DISP1: variants seen among roughly 807,000 people sequenced by gnomAD.
DISP1 encodes protein dispatched homolog 1.
Under a neutral mutation model 37.3 loss-of-function variants are expected in DISP1, and 30 were observed. The observed-to-expected ratio is 0.80, with a 90% CI of 0.60 to 1.09. DISP1 has a LOEUF of 1.09. DISP1 is among the 50% of genes least tolerant of loss of function. The probability of loss-of-function intolerance (pLI) is 0.00; values close to 1 mark genes in which losing one functional copy is unlikely to be tolerated. For missense variants in DISP1, 1,598 were observed against 1,879.5 expected, an observed-to-expected ratio of 0.85 and a Z score of 2.77; for synonymous variants, 634 against 690.2, an observed-to-expected ratio of 0.92 and a Z score of 1.28.
chr1:222,969,575 T>G (rs1676783090), intron 3 of DISP1, among the ~76,000 whole-genome samples: 1 of 151,956 alleles, frequency 6.6e-6, no homozygotes, highest in Admixed American at 6.6e-5. Flanking sequence ...TGGTTACAAT[T>G]GTGTGATATA....
chr1:222,997,388 C>T (rs1679151063), intron 8 of DISP1, among the ~76,000 whole-genome samples: 1 of 152,048 alleles, frequency 6.6e-6, no homozygotes, highest in African/African-American at 2.4e-5. Context: ...CCAGCTTTTC[C>T]TCCTGCTAAG....
chr1:222,904,577 T>A (rs551781193), intron 1 of DISP1, among the ~76,000 whole-genome samples: 106 of 151,506 alleles, frequency 7.0e-4, no homozygotes, highest in African/African-American at 2.2e-3. Flanking sequence ...TTATTTTATT[T>A]TTTTTTTTGA....
Position 222,998,393 on chromosome 1 carries a change from A to G in DISP1, c.987+3411A>G, listed in dbSNP as rs1679219869. The stretch of plus-strand genomic sequence containing the variant: ...TGGTAATTAGTATAAGATCTCAGTG[A>G]GACCAGATGTTTCAATTGTCACCTG... On this transcript the variant is annotated intron_variant, in intron 8 of 8. Transcript: ENST00000675850. Among the ~76,000 whole-genome samples, 4 of 151,864 alleles carry G rather than the reference A, an allele frequency of 2.6e-5. No homozygotes were observed. The Admixed American group carries it at 2.6e-4, about 10-fold the overall frequency.
At chr1:222,863,498 T>C (rs1404342925) in intron 1 of DISP1, among the ~76,000 whole-genome samples, 3 of 151,346 alleles carry the variant, frequency 2.0e-5, no homozygotes. Context: ...GATTCTACCA[T>C]TGTACTCCAG....
intron 8 of DISP1, among the ~76,000 whole-genome samples, chr1:222,998,573 C>T (rs1454775333): frequency 1.3e-5 from 2 of 152,152 alleles, no homozygotes; most frequent in Admixed American, 1.3e-4. Context: ...TCCTTACACA[C>T]TTTCAAAAGG....
intron 1 of DISP1, among the ~76,000 whole-genome samples, chr1:222,838,579 G>A (rs1398352340): frequency 1.3e-5 from 2 of 151,978 alleles, no homozygotes; most frequent in Non-Finnish European, 2.9e-5. Flanking sequence ...AGACTAGCCT[G>A]GGCAACATAG....
rs542879157 is a variant in DISP1 at position 222,936,875 on chromosome 1, A to AT, written c.-17-5931dup. On this transcript the variant is annotated intron_variant, in intron 2 of 8. Transcript: ENST00000675850. ...ATGATATATAATTTATATATCATAT[A>AT]TATGATATATATAATATATTATTTA... 1.1e-4 allele frequency among the ~76,000 whole-genome samples: 8 copies of AT among 71,664 alleles called. No individual in the cohort carries two copies. In the South Asian group the frequency reaches 2.7e-3, roughly 24 times the overall value. The allele number at this position is 71,664 out of a possible 152,430, so 47.0% of individuals were successfully genotyped here.
chr1:222,836,435 C>G (rs1667053839), intron 1 of DISP1, among the ~76,000 whole-genome samples: 1 of 152,086 alleles, frequency 6.6e-6, no homozygotes, highest in South Asian at 2.1e-4. Context: ...CTGGGAGTGA[C>G]TATAATTATG....
At chr1:222,922,245 T>C (rs1339383892) in intron 1 of DISP1, among the ~76,000 whole-genome samples, 1 of 152,102 alleles carries the variant, frequency 6.6e-6, no homozygotes, top group Non-Finnish European at 1.5e-5. Flanking sequence ...TGAGTGTTTT[T>C]TTGGACTGAA....
At chr1:222,987,164 T>C (rs1006141330) in intron 4 of DISP1, among the ~76,000 whole-genome samples, 14 of 152,308 alleles carry the variant, frequency 9.2e-5, no homozygotes, top group African/African-American at 3.1e-4. Context: ...TTTATCTTCA[T>C]ATTACAACCA....
chr1:222,988,440 A>G (rs1423512563), intron 4 of DISP1, among the ~76,000 whole-genome samples: 3 of 152,182 alleles, frequency 2.0e-5, no homozygotes, highest in Non-Finnish European at 2.9e-5. Flanking sequence ...TAACTTGTCA[A>G]TGCTGCAGTT....
At chr1:222,940,489 C>G (rs1674302060) in intron 2 of DISP1, among the ~76,000 whole-genome samples, 1 of 152,178 alleles carries the variant, frequency 6.6e-6, no homozygotes, top group Admixed American at 6.5e-5. Context: ...GGGCAGGACA[C>G]AGATCCAAAC....
At chr1:222,820,416 T>C (rs1225182893) in intron 1 of DISP1, among the ~76,000 whole-genome samples, 1 of 152,114 alleles carries the variant, frequency 6.6e-6, no homozygotes, top group South Asian at 2.1e-4. Context: ...ACCTTAAGGA[T>C]AGGGAACACA....
intron 1 of DISP1, among the ~76,000 whole-genome samples, chr1:222,857,518 A>G (rs529458036): frequency 6.6e-6 from 1 of 152,330 alleles, no homozygotes; most frequent in Admixed American, 6.5e-5. Context: ...ACATGATCCT[A>G]TATCTAGAAA....
At chr1:222,817,427 G>A (rs1367013638) in intron 1 of DISP1, among the ~76,000 whole-genome samples, 1 of 152,144 alleles carries the variant, frequency 6.6e-6, no homozygotes, top group Admixed American at 6.5e-5. Context: ...AGTTGAGCTC[G>A]TTGCTTCTAT....
chr1:222,848,079 G>A (rs1445232717), intron 1 of DISP1, among the ~76,000 whole-genome samples: 1 of 151,574 alleles, frequency 6.6e-6, no homozygotes, highest in Non-Finnish European at 1.5e-5. Context: ...TTATTTTTCT[G>A]AATGGATAAC....
intron 2 of DISP1, among the ~76,000 whole-genome samples, chr1:222,936,265 G>A (rs564103896): frequency 2.0e-5 from 3 of 152,198 alleles, no homozygotes; most frequent in South Asian, 4.1e-4. Context: ...ACACAATGGT[G>A]AAATCACCCG....
intron 3 of DISP1, chr1:222,943,544 C>A: frequency 1.6e-6 from 1 of 639,432 alleles, no homozygotes; most frequent in Non-Finnish European, 2.7e-6. Context: ...GTCAAATCCT[C>A]CCTTCCCCTT....
chr1:222,967,137 C>A (rs1224859212), intron 3 of DISP1, among the ~76,000 whole-genome samples: 1 of 143,208 alleles, frequency 7.0e-6, no homozygotes, highest in African/African-American at 2.5e-5. Context: ...ATATATATAT[C>A]TACATTATAT....
Sources: gnomAD v4.1 joint callset for allele counts (sites outside exome capture counted in the v4.1 genomes callset) on GRCh38, gnomAD v4.1.1 for gene constraint, MANE v1.5 for transcripts, NCBI Gene and HGNC (gene_info 2026-07-23, HGNC 2026-07-21) for gene names.